Variants in TENM2 observed in about 807,000 individuals in gnomAD.
The protein encoded by TENM2 is teneurin transmembrane protein 2, also known as teneurin-2.
Under a neutral mutation model 245.2 loss-of-function variants are expected in TENM2, and 52 were observed. The observed-to-expected ratio is 0.21, with a 90% CI of 0.17 to 0.27. The LOEUF is 0.27. TENM2 is among the 10% of genes least tolerant of loss of function. TENM2 has a pLI of 1.00. For synonymous variants in TENM2, 1,363 were observed against 1,438.9 expected, an observed-to-expected ratio of 0.95 and a Z score of 1.19; for missense variants, 3,046 against 3,666.8, an observed-to-expected ratio of 0.83 and a Z score of 4.37.
At chr5:167,974,629 C>A (rs1399757941) in intron 4 of TENM2, among the ~76,000 whole-genome samples, 1 of 152,134 alleles carries the variant, frequency 6.6e-6, no homozygotes, top group Non-Finnish European at 1.5e-5. Flanking sequence ...GAAATACTTT[C>A]CATCATTTTC....
At chr5:167,544,678 G>A (rs558161297) in intron 2 of TENM2, among the ~76,000 whole-genome samples, 4 of 151,902 alleles carry the variant, frequency 2.6e-5, no homozygotes, top group Admixed American at 6.6e-5. Flanking sequence ...CATCATTCAC[G>A]CTTTCATTCA....
intron 3 of TENM2, among the ~76,000 whole-genome samples, chr5:167,926,157 T>A (rs1334517746): frequency 6.6e-6 from 1 of 152,054 alleles, no homozygotes; most frequent in Non-Finnish European, 1.5e-5. Context: ...TTGAGTATGA[T>A]GAACCTGAAT....
intron 3 of TENM2, among the ~76,000 whole-genome samples, chr5:167,928,993 G>A (rs1276188784): frequency 2.6e-5 from 3 of 116,684 alleles, no homozygotes; most frequent in Non-Finnish European, 3.6e-5. Context: ...AGGGAGGGAA[G>A]GAGAGAGAAA....
chr5:168,250,610 A>G (rs562782815), intron 27 of TENM2, among the ~76,000 whole-genome samples: 2 of 152,150 alleles, frequency 1.3e-5, no homozygotes, highest in Non-Finnish European at 2.9e-5. Flanking sequence ...GTGGCCATGC[A>G]TTGCTTCAGT....
chr5:168,148,754 T>TA (rs1437687831), intron 12 of TENM2, among the ~76,000 whole-genome samples: 6 of 152,266 alleles, frequency 3.9e-5, no homozygotes, highest in East Asian at 1.9e-4. Context: ...CAATATAAAA[T>TA]ACGGGCTCCT....
chr5:167,986,111 C>T (rs2151984848), intron 4 of TENM2, among the ~76,000 whole-genome samples: 1 of 152,180 alleles, frequency 6.6e-6, no homozygotes. Flanking sequence ...CAATGCATGC[C>T]CTTAATTTTC....
intron 2 of TENM2, among the ~76,000 whole-genome samples, chr5:167,822,862 T>C (rs536472612): frequency 6.6e-6 from 1 of 152,348 alleles, no homozygotes; most frequent in East Asian, 1.9e-4. Flanking sequence ...TTCTACTTTT[T>C]GTGCTTCTGA....
intron 12 of TENM2, among the ~76,000 whole-genome samples, chr5:168,147,566 G>A (rs1033511605): frequency 1.3e-5 from 2 of 152,190 alleles, no homozygotes; most frequent in Non-Finnish European, 2.9e-5. Flanking sequence ...CTGTTTGGGG[G>A]AAGTGAATTT....
the TENM2 span, among the ~76,000 whole-genome samples, chr5:167,206,031 C>T: frequency 6.6e-6 from 1 of 152,158 alleles, no homozygotes; most frequent in African/African-American, 2.4e-5. Flanking sequence ...ATTTCACGGT[C>T]AAATGATTAG....
chr5:167,971,250 C>CAG (rs1177605756), intron 4 of TENM2, among the ~76,000 whole-genome samples: 2 of 117,066 alleles, frequency 1.7e-5, no homozygotes, highest in South Asian at 3.0e-4. Flanking sequence ...TAAAGGGAGG[C>CAG]AGAGAGAGAG....
Position 167,577,688 on chromosome 5 carries a change from T to C in TENM2, c.502+202215T>C, listed in dbSNP as rs559553248. Among the ~76,000 whole-genome samples the C allele has an allele frequency of 2.0e-5, 3 of 152,256 alleles. No individual in the cohort carries two copies. The South Asian group carries it at 6.2e-4, about 32-fold the overall frequency. On this transcript the variant is annotated intron_variant, in intron 2 of 28. Coordinates refer to ENST00000518659, the Ensembl canonical transcript of TENM2. ...GGGAGATTCTACTTTCTAGTAAAGT[T>C]TGTTTGTTGTTTGCCTCTTGTTCTC...
chr5:168,260,846 C>T (rs549092857), intron 28 of TENM2, among the ~76,000 whole-genome samples: 4 of 152,290 alleles, frequency 2.6e-5, no homozygotes, highest in African/African-American at 9.6e-5. Flanking sequence ...TATGGCCAAG[C>T]ATATACAGAT....
chr5:167,018,703 A>G, the TENM2 span, among the ~76,000 whole-genome samples: 11 of 152,194 alleles, frequency 7.2e-5, no homozygotes, highest in Non-Finnish European at 8.8e-5. Flanking sequence ...TTTGGAAAAA[A>G]TATTCAAGGC....
chr5:167,338,006 A>G (rs1052312398), intron 1 of TENM2, among the ~76,000 whole-genome samples: 1 of 152,240 alleles, frequency 6.6e-6, no homozygotes, highest in Non-Finnish European at 1.5e-5. Context: ...TTGTAATACA[A>G]TCTTGAAAGC....
the TENM2 span, among the ~76,000 whole-genome samples, chr5:167,000,644 C>G: frequency 6.6e-6 from 1 of 152,082 alleles, no homozygotes; most frequent in Admixed American, 6.6e-5. Context: ...TTAGGAACCA[C>G]TTAATAAAAT....
intron 2 of TENM2, among the ~76,000 whole-genome samples, chr5:167,746,514 C>A (rs1761574082): frequency 6.6e-6 from 1 of 152,114 alleles, no homozygotes. Flanking sequence ...GGATGACCAG[C>A]CTCATACACA....
At chr5:167,026,116 T>C in the TENM2 span, among the ~76,000 whole-genome samples, 9 of 152,184 alleles carry the variant, frequency 5.9e-5, no homozygotes, top group African/African-American at 2.2e-4. Flanking sequence ...TGGCAGTGAT[T>C]ATATATGTTT....
At chr5:168,106,401 G>A (rs1045094627) in intron 9 of TENM2, among the ~76,000 whole-genome samples, 7 of 151,792 alleles carry the variant, frequency 4.6e-5, no homozygotes, top group South Asian at 2.1e-4. Flanking sequence ...TACTATATAC[G>A]CCAACCACCG....
chr5:167,980,343 T>C (rs1444915042), intron 4 of TENM2, among the ~76,000 whole-genome samples: 2 of 152,126 alleles, frequency 1.3e-5, no homozygotes, highest in African/African-American at 4.8e-5. Flanking sequence ...GAAAGGCTGA[T>C]CAAGAAATCC....
Sources: gnomAD v4.1 joint callset for allele counts (sites outside exome capture counted in the v4.1 genomes callset) on GRCh38, gnomAD v4.1.1 for gene constraint, MANE v1.5 for transcripts, NCBI Gene and HGNC (gene_info 2026-07-23, HGNC 2026-07-21) for gene names.